The following CUX1 variants were observed in gnomAD, a reference collection of about 807,000 sequenced individuals.
CUX1 encodes the protein cut like homeobox 1, also known as protein CASP.
A neutral mutation model predicts 158.8 loss-of-function variants in CUX1; 31 were observed. The ratio of observed to expected loss-of-function variants is 0.20; its 90% CI spans 0.15 to 0.26. The LOEUF is 0.26. Among genes scored for constraint, CUX1 ranks in the 10% least tolerant of loss-of-function variants. The pLI is 1.00. For missense variants in CUX1, 1,589 were observed against 2,014.6 expected (o/e 0.79, Z 4.04); for synonymous variants, 879 against 862.1 (o/e 1.02, Z -0.34).
chr7:101,824,678 C>T (rs1793060993), intron 1 of CUX1: 1 of 152,150 alleles, frequency 6.6e-6, no homozygotes. Context: ...CGGCCTGTCA[C>T]TTCTCGCCCT....
At position 101,899,562 on chromosome 7, in the gene CUX1, TAAAG is replaced by T. The variant is rs1472945012; in HGVS notation, c.31-16550_31-16547del. Among the ~76,000 whole-genome samples, 9 of 152,012 alleles carry T rather than the reference TAAAG, an allele frequency of 5.9e-5. No homozygotes were observed. In the East Asian group the frequency reaches 1.2e-3, roughly 20 times the overall value. ...ATTCTGTCTCAAAAAAATAAAAAAA[TAAAG>T]AAGTCACAGGAGGCCCAGCATACAG... On this transcript the variant is annotated intron_variant, in intron 1 of 23. Coordinates refer to ENST00000292535, the MANE Select transcript of CUX1 (RefSeq NM_181552.4).
intron 2 of CUX1, among the ~76,000 whole-genome samples, chr7:102,024,215 C>G (rs1819722825): frequency 6.6e-6 from 1 of 152,248 alleles, no homozygotes; most frequent in African/African-American, 2.4e-5. Flanking sequence ...CAGCTCTGCC[C>G]TCTTCCATTT....
intron 4 of CUX1, among the ~76,000 whole-genome samples, chr7:102,096,363 C>G (rs538025528): frequency 6.6e-6 from 1 of 152,098 alleles, no homozygotes; most frequent in African/African-American, 2.4e-5. Flanking sequence ...TTTATAAAGC[C>G]TAAGTGTTTC....
chr7:101,934,108 G>C (rs930984553), intron 2 of CUX1, among the ~76,000 whole-genome samples: 3 of 152,172 alleles, frequency 2.0e-5, no homozygotes, highest in Non-Finnish European at 2.9e-5. Flanking sequence ...AAGAGAAGTT[G>C]TTTCTATCCT....
At chr7:102,136,302 T>C (rs1833896590) in intron 8 of CUX1, among the ~76,000 whole-genome samples, 1 of 152,176 alleles carries the variant, frequency 6.6e-6, no homozygotes, top group Non-Finnish European at 1.5e-5. Context: ...CAGTTTACTA[T>C]TGTTGTTTTT....
intron 2 of CUX1, among the ~76,000 whole-genome samples, chr7:101,954,374 G>A (rs976934635): frequency 6.6e-6 from 1 of 152,218 alleles, no homozygotes; most frequent in Admixed American, 6.5e-5. Context: ...GTAACCCAAA[G>A]TAAGGGCTCA....
intron 1 of CUX1, among the ~76,000 whole-genome samples, chr7:101,830,042 G>A (rs1793805573): frequency 6.6e-6 from 1 of 152,216 alleles, no homozygotes; most frequent in African/African-American, 2.4e-5. Context: ...TAGATGGGGT[G>A]TCTCTTTACA....
chr7:101,884,803 T>C (rs573790814), intron 1 of CUX1, among the ~76,000 whole-genome samples: 46 of 152,332 alleles, frequency 3.0e-4, no homozygotes, highest in South Asian at 1.0e-3. Flanking sequence ...CCATAAACAT[T>C]GGATAAACAG....
intron 8 of CUX1, among the ~76,000 whole-genome samples, chr7:102,141,841 A>G (rs577854589): frequency 4.0e-5 from 5 of 124,024 alleles, no homozygotes; most frequent in African/African-American, 1.6e-4. Flanking sequence ...GGGTTTCTCC[A>G]TGTTGGTCAG....
At chr7:102,225,068 T>G (rs79075721) in intron 20 of CUX1, among the ~76,000 whole-genome samples, 10 of 152,314 alleles carry the variant, frequency 6.6e-5, no homozygotes, top group Non-Finnish European at 1.3e-4. Context: ...TATATCCAGT[T>G]CTCTGGTGAC....
At chr7:101,842,900 TC>T (rs1156278284) in intron 1 of CUX1, among the ~76,000 whole-genome samples, 1 of 134,934 alleles carries the variant, frequency 7.4e-6, no homozygotes, top group East Asian at 2.0e-4. Flanking sequence ...TGAGACAGAG[TC>T]TCTCTCTGTC....
intron 4 of CUX1, among the ~76,000 whole-genome samples, chr7:102,085,330 G>A (rs1480342921): frequency 1.3e-5 from 2 of 152,162 alleles, no homozygotes; most frequent in African/African-American, 2.4e-5. Context: ...AAATTTATGA[G>A]GAACGATATG....
Position 101,869,652 on chromosome 7 carries a change from G to A in CUX1, c.31-46463G>A, listed in dbSNP as rs141126759. On this transcript the variant is annotated intron_variant, in intron 1 of 23. Transcript: ENST00000292535. The surrounding 1 kb of genome is among the most constrained non-coding windows in gnomAD (Gnocchi z 4.5). ...CGGGAGGAGGCGTTGGTGTGCACAC[G>A]CGGGGAGCCTCCGTGTCCTCAGGAC... is the stretch of plus-strand genomic sequence containing the variant. Among the ~76,000 whole-genome samples, 51 of 152,200 alleles carry A rather than the reference G, an allele frequency of 3.4e-4. No individual in the cohort carries two copies. The highest frequency in any genetic ancestry group is 9.8e-4 in the Admixed American group (15 of 15,278).
At chr7:102,028,224 T>G in intron 3 of CUX1, 79 bp downstream of exon 3, 1 of 1,498,098 alleles carries the variant, frequency 6.7e-7, no homozygotes, top group Non-Finnish European at 9.3e-7. Flanking sequence ...AAAGAAATGC[T>G]CCGGGCAAAA....
At chr7:101,821,917 C>T (rs1388968913) in intron 1 of CUX1, among the ~76,000 whole-genome samples, 4 of 144,450 alleles carry the variant, frequency 2.8e-5, no homozygotes, top group African/African-American at 1.0e-4. Context: ...TGCAGTGGCG[C>T]GATCTCGGCT....
intron 11 of CUX1, among the ~76,000 whole-genome samples, chr7:102,184,241 G>T (rs1420684623): frequency 6.6e-6 from 1 of 152,186 alleles, no homozygotes; most frequent in Non-Finnish European, 1.5e-5. Flanking sequence ...ATTTGCTAAA[G>T]CCAAAATAGT....
rs577034002 is a variant in CUX1 at position 101,998,411 on chromosome 7, C to T, written c.142-29687C>T. On this transcript the variant is annotated intron_variant, in intron 2 of 23. Transcript: ENST00000292535. Reference sequence around the variant, plus strand: ...AGACTTAGAGATGAGACAGCCAGTTCCTGTCCTGCCCAAGGGTCGGGCAGG... The same window carrying T: ...AGACTTAGAGATGAGACAGCCAGTTTCTGTCCTGCCCAAGGGTCGGGCAGG... Among the ~76,000 whole-genome samples the T allele has an allele frequency of 8.9e-4, 136 of 152,314 alleles. 2 individuals carry two copies. The Middle Eastern group carries it at 0.017, about 19-fold the overall frequency.
At chr7:102,136,453 A>T (rs1833921048) in intron 8 of CUX1, among the ~76,000 whole-genome samples, 1 of 151,324 alleles carries the variant, frequency 6.6e-6, no homozygotes, top group Non-Finnish European at 1.5e-5. Flanking sequence ...GTGCAGTGGC[A>T]CGATCTCAGC....
chr7:102,195,722 C>G, intron 14 of CUX1, 119 bp downstream of exon 14: 2 of 902,080 alleles, frequency 2.2e-6, no homozygotes, highest in Non-Finnish European at 3.3e-6. Flanking sequence ...CGCCGGTTGA[C>G]GAGAACCTTT....
Sources: allele counts gnomAD v4.1 joint callset (sites outside exome capture counted in the v4.1 genomes callset), GRCh38; gene constraint gnomAD v4.1.1; non-coding constraint Gnocchi (gnomAD v3.1); transcripts MANE v1.5; gene names NCBI Gene and HGNC (gene_info 2026-07-23, HGNC 2026-07-21).